Variants in ZNF827 observed in about 807,000 individuals in gnomAD.
The protein encoded by ZNF827 is zinc finger protein 827.
ZNF827 carries 13 observed loss-of-function variants against 102.4 expected under a neutral mutation model. The ratio of observed to expected loss-of-function variants is 0.13; its 90% confidence interval spans 0.08 to 0.20. The LOEUF is 0.20. Ranked by LOEUF, ZNF827 falls within the 10% of genes least tolerant of loss-of-function variation. The probability of loss-of-function intolerance (pLI) is 1.00; values close to 1 mark genes in which losing one functional copy is unlikely to be tolerated. For missense variants in ZNF827, 1,103 were observed against 1,344.4 expected (o/e 0.82, Z 2.81); for synonymous variants, 523 against 536.2 (o/e 0.98, Z 0.34).
intron 1 of ZNF827, among the ~76,000 whole-genome samples, chr4:145,917,310 A>G (rs1396791712): frequency 6.6e-6 from 1 of 152,210 alleles, no homozygotes; most frequent in Non-Finnish European, 1.5e-5. Flanking sequence ...ACTGAAATGT[A>G]TTGGGTTCAC....
At chr4:145,804,816 T>C (rs1229924022) in intron 8 of ZNF827, among the ~76,000 whole-genome samples, 1 of 152,228 alleles carries the variant, frequency 6.6e-6, no homozygotes, top group Non-Finnish European at 1.5e-5. Flanking sequence ...ATGCCTATTA[T>C]GTATTAGCAA....
chr4:145,877,242 T>A (rs565005078), intron 4 of ZNF827, among the ~76,000 whole-genome samples: 15 of 152,186 alleles, frequency 9.9e-5, no homozygotes, highest in Non-Finnish European at 2.2e-4. Flanking sequence ...ACTCTCCAGA[T>A]CACAAGCCGG....
At position 145,762,370 on chromosome 4, in the gene ZNF827, G is replaced by A. The variant is rs1734659042; in HGVS notation, c.*17+720C>T. ...GGGAGACAACTGCTATCTGGAGCTC[G>A]AAGACATTATTAATACATGATTATG... On this transcript the variant is annotated intron_variant, in intron 14 of 14. Transcript: ENST00000508784. The surrounding 1 kb of genome is among the most constrained non-coding windows in gnomAD (Gnocchi z 4.9). 1.3e-5 allele frequency among the ~76,000 whole-genome samples: 2 copies of A among 152,186 alleles called. No individual in the cohort carries two copies. Among genetic ancestry groups the A allele is most frequent in the African/African-American group, 2.4e-5 (1 of 41,448 alleles).
In ZNF827 at chr4:145,870,403, G is replaced by A. The variant is rs757812399; in HGVS notation, c.1823C>T (p.Thr608Met). The A allele has an allele frequency of 5.1e-5, 82 of 1,613,984 alleles. No individual in the cohort carries two copies. In the East Asian group the frequency reaches 1.3e-3, roughly 26 times the overall value. Residue 608 changes from threonine to methionine, a missense_variant, in exon 5 of 15, where the codon ACG (threonine) becomes ATG (methionine). Physicochemically the swap from Thr to Met is moderately conservative, Grantham distance 81. Coordinates refer to ENST00000508784, the MANE Select transcript of ZNF827 (RefSeq NM_001306215.2). ...CACATAGCTGGACCGAGGCAAAGTC[G>A]TGCTTAGGGACTCCCCTTCCTTAGG... is the stretch of plus-strand genomic sequence containing the variant. Reference protein sequence around the residue: ...EEPKEGESLSTTLPRSSYVFS... With the variant: ...EEPKEGESLSMTLPRSSYVFS...
At chr4:145,856,985 GCACACACA>G (rs70956877) in intron 5 of ZNF827, among the ~76,000 whole-genome samples, 2 of 140,040 alleles carry the variant, frequency 1.4e-5, no homozygotes, top group Non-Finnish European at 3.2e-5. Flanking sequence ...GCACGCGCAC[GCACACACA>G]CACACACACA....
intron 1 of ZNF827, among the ~76,000 whole-genome samples, chr4:145,919,543 A>C (rs1248422008): frequency 5.3e-5 from 8 of 152,236 alleles, no homozygotes; most frequent in Non-Finnish European, 2.9e-5. Flanking sequence ...TTTACCAGCT[A>C]TATAACTTCT....
At chr4:145,843,866 T>TA (rs1745659373) in intron 7 of ZNF827, among the ~76,000 whole-genome samples, 1 of 152,168 alleles carries the variant, frequency 6.6e-6, no homozygotes, top group South Asian at 2.1e-4. Flanking sequence ...AGAAACCAGC[T>TA]AAAACCACAT....
At chr4:145,776,006 G>A (rs780561948) in intron 9 of ZNF827, 46 bp from the exon 10 acceptor site, 10 of 1,611,278 alleles carry the variant, frequency 6.2e-6, no homozygotes, top group Non-Finnish European at 7.6e-6. Context: ...TTTCAAAAAA[G>A]GAAGTCCCAA....
intron 8 of ZNF827, among the ~76,000 whole-genome samples, chr4:145,820,352 C>T (rs1033588518): frequency 2.0e-5 from 3 of 152,148 alleles, no homozygotes; most frequent in Middle Eastern, 3.2e-3. Flanking sequence ...TAATTATGGT[C>T]TCTACTAATT....
chr4:145,933,585 C>T (rs1372138133), intron 1 of ZNF827, among the ~76,000 whole-genome samples: 1 of 152,166 alleles, frequency 6.6e-6, no homozygotes, highest in Non-Finnish European at 1.5e-5. Flanking sequence ...AACACAATAA[C>T]CTGATCTGGT....
At chr4:145,894,746 G>A (rs180806746) in intron 2 of ZNF827, among the ~76,000 whole-genome samples, 2 of 152,266 alleles carry the variant, frequency 1.3e-5, no homozygotes, top group East Asian at 3.9e-4. Context: ...AGCACACCTT[G>A]TAGACACATA....
intron 1 of ZNF827, among the ~76,000 whole-genome samples, chr4:145,911,066 T>C (rs1223604168): frequency 2.0e-5 from 3 of 152,220 alleles, no homozygotes; most frequent in Admixed American, 6.5e-5. Context: ...CTGTCAGTGA[T>C]GGAAATAAGA....
Position 145,921,706 on chromosome 4 carries a change from G to A in ZNF827, c.43+16659C>T, listed in dbSNP as rs139589465. On this transcript the variant is annotated intron_variant, in intron 1 of 14. Coordinates refer to ENST00000508784, the MANE Select transcript of ZNF827 (RefSeq NM_001306215.2). ...TCTGTCTCAGATGAGTGGGTTCATG[G>A]ACAATGAGGACAGCAACCCAGAAAA... 2.2e-3 allele frequency among the ~76,000 whole-genome samples: 338 copies of A among 152,166 alleles called. 1 individual carries two copies. Among genetic ancestry groups the A allele is most frequent in the Non-Finnish European group, 2.4e-3 (161 of 67,992 alleles).
chr4:145,804,249 T>C (rs1290705384), intron 8 of ZNF827, among the ~76,000 whole-genome samples: 1 of 152,256 alleles, frequency 6.6e-6, no homozygotes, highest in African/African-American at 2.4e-5. Context: ...GCTTGCATCA[T>C]TCCAGAGGAA....
At chr4:145,787,696 TTTA>T (rs1048179641) in intron 8 of ZNF827, among the ~76,000 whole-genome samples, 3 of 152,058 alleles carry the variant, frequency 2.0e-5, no homozygotes, top group Non-Finnish European at 4.4e-5. Flanking sequence ...TCCAAAAATT[TTTA>T]TTAATTAAAC....
Position 145,763,008 on chromosome 4 carries a change from C to T in ZNF827, c.*17+82G>A, listed in dbSNP as rs1734770271. On this transcript the variant is annotated intron_variant, in intron 14 of 14. Transcript: ENST00000508784. The surrounding 1 kb of genome is among the most constrained non-coding windows in gnomAD (Gnocchi z 4.6). ...CCGTTAGCCTTTGAACCTCAGCTCACAGAAGAGTGCACACGAGAGAAATAT... is the reference window on the plus strand; with the variant it reads ...CCGTTAGCCTTTGAACCTCAGCTCATAGAAGAGTGCACACGAGAGAAATAT... 1 of 1,348,512 alleles carries T rather than the reference C, an allele frequency of 7.4e-7. No individual in the cohort carries two copies. The highest frequency in any genetic ancestry group is 1.3e-5 in the South Asian group (1 of 76,044). 83.5% of individuals were successfully genotyped at this position (1,348,512 alleles called of 1,614,324 possible). A position where few individuals can be genotyped will look rare whatever the true frequency, so the allele number is the denominator to read the frequency against.
chr4:145,834,355 G>A (rs185817246), intron 7 of ZNF827, among the ~76,000 whole-genome samples: 33 of 152,070 alleles, frequency 2.2e-4, no homozygotes, highest in Non-Finnish European at 3.4e-4. Flanking sequence ...AACCCCAAGC[G>A]TCGCTGAGTC....
Position 145,902,584 on chromosome 4 carries a change from G to A in ZNF827, c.675C>T (p.Asp225=). 1.2e-6 allele frequency: 2 copies of A among 1,614,054 alleles called. No homozygotes were observed. Among genetic ancestry groups the A allele is most frequent in the Non-Finnish European group, 1.7e-6 (2 of 1,179,912 alleles). Residue 225 remains aspartate, a synonymous_variant, in exon 2 of 15, where the codon GAC becomes GAT. Coordinates refer to ENST00000508784, the MANE Select transcript of ZNF827 (RefSeq NM_001306215.2). This position sits in a 1 kb window ranked among gnomAD's most constrained non-coding sequence, Gnocchi z 4.3. The part of the protein sequence containing the change: ...LKAAANAVLQ[D]KSLTRTEETM... ...TCTCCTCAGTCCTGGTGAGAGATTT[G>A]TCCTGCAGAACGGCATTGGCTGCAG...
intron 1 of ZNF827, among the ~76,000 whole-genome samples, chr4:145,936,375 A>G (rs976422227): frequency 6.6e-6 from 1 of 152,140 alleles, no homozygotes; most frequent in Non-Finnish European, 1.5e-5. Context: ...TTATGTGCAT[A>G]TATATTACAT....
Sources: gnomAD v4.1 joint callset for allele counts (sites outside exome capture counted in the v4.1 genomes callset) on GRCh38, gnomAD v4.1.1 for gene constraint, Gnocchi (gnomAD v3.1) non-coding constraint, MANE v1.5 for transcripts, NCBI Gene and HGNC (gene_info 2026-07-23, HGNC 2026-07-21) for gene names.